Variants in OCA2 observed in about 807,000 individuals in gnomAD.
OCA2 encodes the protein P protein.
A neutral mutation model predicts 100.2 loss-of-function variants in OCA2; 77 were observed. That is an observed-to-expected ratio of 0.77 (90% CI 0.64 to 0.93). The LOEUF (loss-of-function observed/expected upper bound fraction) is 0.93. Ranked by LOEUF, OCA2 falls within the 40% of genes least tolerant of loss-of-function variation. The pLI is 0.00. For missense variants in OCA2, 1,062 were observed against 1,089.1 expected, an observed-to-expected ratio of 0.98 and a Z score of 0.35; for synonymous variants, 432 against 439.2, an observed-to-expected ratio of 0.98 and a Z score of 0.21.
At chr15:28,060,285 T>C (rs993538690) in intron 2 of OCA2, among the ~76,000 whole-genome samples, 1 of 152,244 alleles carries the variant, frequency 6.6e-6, no homozygotes, top group Non-Finnish European at 1.5e-5. Context: ...GCTGGGGCAC[T>C]GCAGGCTGGG....
chr15:27,869,101 T>C (rs1377906250), intron 21 of OCA2, among the ~76,000 whole-genome samples: 5 of 152,228 alleles, frequency 3.3e-5, no homozygotes, highest in Admixed American at 1.3e-4. Context: ...TCCCGTGATG[T>C]GGCCACTGCA....
chr15:27,917,540 G>A (rs767796325), intron 19 of OCA2, among the ~76,000 whole-genome samples: 1 of 152,116 alleles, frequency 6.6e-6, no homozygotes, highest in Non-Finnish European at 1.5e-5. Context: ...GTGCTCTCAT[G>A]GTCCTGTGAT....
intron 23 of OCA2, among the ~76,000 whole-genome samples, chr15:27,814,456 A>G (rs1434882694): frequency 6.6e-6 from 1 of 152,264 alleles, no homozygotes; most frequent in African/African-American, 2.4e-5. Flanking sequence ...ACAGCTTTCA[A>G]TCATCCACTG....
At chr15:28,027,318 T>C (rs1363051577) in intron 4 of OCA2, among the ~76,000 whole-genome samples, 1 of 152,174 alleles carries the variant, frequency 6.6e-6, no homozygotes, top group Admixed American at 6.5e-5. Flanking sequence ...ACCATCCACT[T>C]TCTCTATGCA....
In OCA2 at chr15:27,824,170, C is replaced by G. The variant is rs562155194; in HGVS notation, c.2432+20789G>C. Reference sequence around the variant, plus strand: ...ATCACCTGAGGTCAGGAATTTGAGACCAGCCTGGCTAACATGGCAAAACTC... The same window carrying G: ...ATCACCTGAGGTCAGGAATTTGAGAGCAGCCTGGCTAACATGGCAAAACTC... On this transcript the variant is annotated intron_variant, in intron 23 of 23. Transcript: ENST00000354638. 1.2e-4 allele frequency among the ~76,000 whole-genome samples: 19 copies of G among 152,244 alleles called. No homozygotes were observed. In the East Asian group the frequency reaches 3.7e-3, roughly 30 times the overall value.
Position 27,762,507 on chromosome 15 carries a change from T to G in OCA2, c.2433-7035A>C, listed in dbSNP as rs138554987. On this transcript the variant is annotated intron_variant, in intron 23 of 23. Transcript: ENST00000354638. The stretch of plus-strand genomic sequence containing the variant: ...AGAATAATGAGCCATCTTTAACCCA[T>G]GACTTATTGTAATACTGAAATCCCC... 3.3e-5 allele frequency among the ~76,000 whole-genome samples: 5 copies of G among 152,328 alleles called. No individual in the cohort carries two copies. The East Asian group carries it at 7.7e-4, about 23-fold the overall frequency.
intron 15 of OCA2, among the ~76,000 whole-genome samples, chr15:27,965,061 C>T (rs190228380): frequency 1.3e-5 from 2 of 152,280 alleles, no homozygotes; most frequent in East Asian, 1.9e-4. Context: ...CTGGGGATGA[C>T]GCTGAAAATC....
intron 10 of OCA2, among the ~76,000 whole-genome samples, 182 bp downstream of exon 10, chr15:27,990,394 A>G (rs994200494): frequency 5.3e-5 from 8 of 152,202 alleles, no homozygotes; most frequent in African/African-American, 1.7e-4. Context: ...GACAAAACCT[A>G]ATGAAAAGTA....
At chr15:27,881,816 T>C (rs8035719) in intron 19 of OCA2, among the ~76,000 whole-genome samples, 2,371 of 152,222 alleles carry the variant, frequency 0.016, 55 homozygotes, top group African/African-American at 0.05. Flanking sequence ...TCTTTCAAAA[T>C]ACCAACTCCT....
intron 23 of OCA2, among the ~76,000 whole-genome samples, chr15:27,830,931 C>G (rs537138596): frequency 1.4e-4 from 22 of 152,220 alleles, no homozygotes; most frequent in African/African-American, 5.1e-4. Flanking sequence ...AGCTACAGAA[C>G]CTTCAAACTC....
chr15:28,024,765 G>C (rs1423407374), intron 5 of OCA2, 80 bp downstream of exon 5: 41 of 1,444,200 alleles, frequency 2.8e-5, no homozygotes, highest in Non-Finnish European at 3.0e-5. Context: ...CCACACCTCA[G>C]GTTCCCCCTG....
At chr15:28,033,704 T>A (rs1382937821) in intron 2 of OCA2, among the ~76,000 whole-genome samples, 1 of 152,180 alleles carries the variant, frequency 6.6e-6, no homozygotes, top group Non-Finnish European at 1.5e-5. Flanking sequence ...CTTTGCCAGA[T>A]GAAGGTAGAG....
chr15:27,874,396 A>G (rs1261575658), intron 19 of OCA2, among the ~76,000 whole-genome samples: 2 of 152,204 alleles, frequency 1.3e-5, no homozygotes, highest in Non-Finnish European at 2.9e-5. Context: ...GATCCTTGAA[A>G]TGCACTAAAA....
At chr15:28,063,340 AT>A (rs1431104476) in intron 2 of OCA2, among the ~76,000 whole-genome samples, 1 of 152,050 alleles carries the variant, frequency 6.6e-6, no homozygotes, top group Non-Finnish European at 1.5e-5. Context: ...ATACAGTTGG[AT>A]CATTTACTTT....
At chr15:27,806,624 C>T (rs575435470) in intron 23 of OCA2, among the ~76,000 whole-genome samples, 78 of 152,358 alleles carry the variant, frequency 5.1e-4, no homozygotes, top group African/African-American at 1.9e-3. Context: ...CGCTCTCCTG[C>T]GCCTCGGCCT....
rs566804820 is a variant in OCA2 at position 27,979,322 on chromosome 15, T to A, written c.1503+4023A>T. 2.0e-5 allele frequency among the ~76,000 whole-genome samples: 3 copies of A among 152,376 alleles called. No individual in the cohort carries two copies. In the East Asian group the frequency reaches 5.8e-4, roughly 29 times the overall value. On this transcript the variant is annotated intron_variant, in intron 14 of 23. Coordinates refer to ENST00000354638, the MANE Select transcript of OCA2 (RefSeq NM_000275.3). ...AACTTACAGTAAGTTTATCTGGATG[T>A]AATCCCAAAGTTAGCTGAGGAGCAT...
intron 23 of OCA2, among the ~76,000 whole-genome samples, chr15:27,828,866 G>A (rs1566999245): frequency 1.3e-5 from 2 of 152,200 alleles, no homozygotes; most frequent in Non-Finnish European, 2.9e-5. Flanking sequence ...TGAAGTCAGA[G>A]CAAAGGCCAA....
chr15:28,095,746 G>A (rs1282866216), intron 1 of OCA2, among the ~76,000 whole-genome samples: 1 of 151,686 alleles, frequency 6.6e-6, no homozygotes, highest in African/African-American at 2.4e-5. Context: ...ATTGTTCTTC[G>A]AGTTCTTTAA....
intron 15 of OCA2, among the ~76,000 whole-genome samples, chr15:27,959,104 G>A (rs999751355): frequency 1.3e-5 from 2 of 152,342 alleles, no homozygotes; most frequent in Non-Finnish European, 1.5e-5. Flanking sequence ...GAGAGAATGC[G>A]CAGAGCCTGG....
Sources: gnomAD v4.1 joint callset for allele counts (sites outside exome capture counted in the v4.1 genomes callset) on GRCh38, gnomAD v4.1.1 for gene constraint, MANE v1.5 for transcripts, NCBI Gene and HGNC (gene_info 2026-07-23, HGNC 2026-07-21) for gene names.